TBCA: variants seen among roughly 807,000 people sequenced by gnomAD.
TBCA encodes the protein tubulin-specific chaperone A.
Under a neutral mutation model 15.8 loss-of-function variants are expected in TBCA, and 6 were observed. The ratio of observed to expected loss-of-function variants is 0.38; its 90% confidence interval spans 0.21 to 0.75. TBCA has a LOEUF of 0.75. Among genes scored for constraint, TBCA ranks in the 30% least tolerant of loss-of-function variants. The probability of loss-of-function intolerance (pLI) is 0.46; values close to 1 mark genes in which losing one functional copy is unlikely to be tolerated. For synonymous variants in TBCA, 32 were observed against 42.3 expected (o/e 0.76, Z 0.94); for missense variants, 90 against 131.2 (o/e 0.69, Z 1.53).
intron 1 of TBCA, among the ~76,000 whole-genome samples, chr5:77,745,150 T>C (rs1326856103): frequency 2.6e-5 from 4 of 152,154 alleles, no homozygotes. Context: ...TGCCTTTTTA[T>C]GTTGCCAAAA....
intron 1 of TBCA, among the ~76,000 whole-genome samples, chr5:77,728,545 T>C (rs1334422564): frequency 6.6e-6 from 1 of 152,062 alleles, no homozygotes; most frequent in Non-Finnish European, 1.5e-5. Context: ...GTAGAGTACA[T>C]AAACCTCAAC....
intron 1 of TBCA, among the ~76,000 whole-genome samples, chr5:77,710,907 A>G (rs1746264173): frequency 6.6e-6 from 1 of 152,196 alleles, no homozygotes; most frequent in African/African-American, 2.4e-5. Context: ...TGGATTAGCA[A>G]TGAGACTTTC....
chr5:77,727,054 T>G (rs1198347076), intron 1 of TBCA, among the ~76,000 whole-genome samples: 1 of 151,730 alleles, frequency 6.6e-6, no homozygotes, highest in African/African-American at 2.4e-5. Context: ...CCTCTTGAAG[T>G]TATTAAGTCT....
chr5:77,707,059 G>A (rs760201976), intron 2 of TBCA, among the ~76,000 whole-genome samples: 3 of 151,848 alleles, frequency 2.0e-5, no homozygotes, highest in African/African-American at 2.4e-5. Context: ...ACACCTCAGA[G>A]GATATGTCAA....
At chr5:77,726,418 G>A (rs1746632416) in intron 1 of TBCA, among the ~76,000 whole-genome samples, 1 of 152,056 alleles carries the variant, frequency 6.6e-6, no homozygotes, top group Admixed American at 6.6e-5. Context: ...ATTACATGCA[G>A]GAAAATCATA....
chr5:77,726,117 A>C (rs992509774), intron 1 of TBCA, among the ~76,000 whole-genome samples: 1 of 152,190 alleles, frequency 6.6e-6, no homozygotes, highest in African/African-American at 2.4e-5. Flanking sequence ...AAACTAAATT[A>C]CTGTTGTCAT....
intron 1 of TBCA, among the ~76,000 whole-genome samples, chr5:77,720,744 T>C (rs1746512439): frequency 1.3e-5 from 2 of 152,080 alleles, no homozygotes. Context: ...AAGCGAAGTC[T>C]ATCTTAGATG....
chr5:77,767,813 T>G (rs181046469), intron 1 of TBCA, among the ~76,000 whole-genome samples: 8 of 152,324 alleles, frequency 5.3e-5, no homozygotes, highest in Admixed American at 1.3e-4. Context: ...CTGTTGATAA[T>G]CTACAGAAAA....
At chr5:77,706,195 T>G (rs991196807) in intron 2 of TBCA, among the ~76,000 whole-genome samples, 3 of 152,224 alleles carry the variant, frequency 2.0e-5, no homozygotes, top group Non-Finnish European at 4.4e-5. Flanking sequence ...CAAAAATGAC[T>G]GTGAGTTCAT....
rs754404093 is a variant in TBCA at position 77,705,617 on chromosome 5, C to G, written c.159+2625G>C. Reference sequence around the variant, plus strand: ...CTGGGGTGGGAGGATCACTGGAGGCCAGGAGTTGAAGACCAGCCTAAACAA... The same window carrying G: ...CTGGGGTGGGAGGATCACTGGAGGCGAGGAGTTGAAGACCAGCCTAAACAA... On this transcript the variant is annotated intron_variant, in intron 2 of 3. Coordinates refer to ENST00000380377, the MANE Select transcript of TBCA (RefSeq NM_004607.3). 36 of 398,512 alleles carry G rather than the reference C, an allele frequency of 9.0e-5. No homozygotes were observed. The Admixed American group carries it at 1.4e-3, about 15-fold the overall frequency. The allele number at this position is 398,512 out of a possible 1,614,324, so 24.7% of individuals were successfully genotyped here. A position where few individuals can be genotyped will look rare whatever the true frequency, so the allele number is the denominator to read the frequency against.
rs115267923 is a variant in TBCA at position 77,738,905 on chromosome 5, A to G, written c.54-30558T>C. ...GCCTCAAGTCACCAGCTACTTCTAC[A>G]GGACTGTTTCCAAACTGCTGGTTGT... is the stretch of plus-strand genomic sequence containing the variant. On this transcript the variant is annotated intron_variant, in intron 1 of 3. Coordinates refer to ENST00000380377, the MANE Select transcript of TBCA (RefSeq NM_004607.3). Among the ~76,000 whole-genome samples, 836 of 152,260 alleles carry G rather than the reference A, an allele frequency of 5.5e-3. 4 individuals carry two copies. The highest frequency in any genetic ancestry group is 8.8e-3 in the Non-Finnish European group (601 of 68,022).
intron 1 of TBCA, among the ~76,000 whole-genome samples, chr5:77,750,744 G>C (rs1478751962): frequency 1.1e-5 from 1 of 92,330 alleles, no homozygotes; most frequent in Non-Finnish European, 2.4e-5. Flanking sequence ...ACGCACCAGT[G>C]AAACAGACTT....
At chr5:77,756,770 CAA>C (rs1191499783) in intron 1 of TBCA, among the ~76,000 whole-genome samples, 1 of 152,072 alleles carries the variant, frequency 6.6e-6, no homozygotes, top group Admixed American at 6.5e-5. Flanking sequence ...CCCCGAAAGC[CAA>C]AGAGATCAGG....
At chr5:77,714,768 G>A (rs537635305) in intron 1 of TBCA, among the ~76,000 whole-genome samples, 5 of 151,998 alleles carry the variant, frequency 3.3e-5, no homozygotes, top group East Asian at 1.9e-4. Flanking sequence ...GAGTTTCACC[G>A]TGTTAGCCAG....
intron 1 of TBCA, among the ~76,000 whole-genome samples, chr5:77,760,083 C>T (rs1747574935): frequency 6.6e-6 from 1 of 152,144 alleles, no homozygotes. Context: ...GAGAACAGCA[C>T]TGAACTGGAC....
intron 1 of TBCA, 83 bp from the exon 2 acceptor site, chr5:77,708,430 T>C (rs1460328849): frequency 1.3e-6 from 1 of 783,802 alleles, no homozygotes; most frequent in Non-Finnish European, 2.0e-6. Flanking sequence ...TAAAACATAT[T>C]ATATTTAAAA....
chr5:77,703,958 G>A (rs1192344530), intron 2 of TBCA, among the ~76,000 whole-genome samples: 1 of 152,064 alleles, frequency 6.6e-6, no homozygotes, highest in African/African-American at 2.4e-5. Context: ...GTTTCAAAGT[G>A]CGGCACTTCC....
intron 1 of TBCA, among the ~76,000 whole-genome samples, chr5:77,764,109 G>A (rs978880877): frequency 6.6e-6 from 1 of 152,134 alleles, no homozygotes; most frequent in African/African-American, 2.4e-5. Context: ...GTGAAAAATG[G>A]TAAGTCCCAG....
intron 1 of TBCA, among the ~76,000 whole-genome samples, chr5:77,750,515 A>G (rs952926658): frequency 1.1e-4 from 17 of 152,232 alleles, no homozygotes; most frequent in African/African-American, 4.1e-4. Flanking sequence ...GACTTCTGAT[A>G]ATCTCAGTTT....
Sources: allele counts gnomAD v4.1 joint callset (sites outside exome capture counted in the v4.1 genomes callset), GRCh38; gene constraint gnomAD v4.1.1; transcripts MANE v1.5; gene names NCBI Gene and HGNC (gene_info 2026-07-23, HGNC 2026-07-21).